MAGI2: variants seen among roughly 807,000 people sequenced by gnomAD.
The protein encoded by MAGI2 is membrane-associated guanylate kinase, WW and PDZ domain-containing protein 2.
A neutral mutation model predicts 133.3 loss-of-function variants in MAGI2; 35 were observed. That is an observed-to-expected ratio of 0.26 (90% CI 0.20 to 0.35). The LOEUF (loss-of-function observed/expected upper bound fraction) is 0.35, where lower values mean the gene tolerates loss of function less well. Ranked by LOEUF, MAGI2 falls within the 10% of genes least tolerant of loss-of-function variation. MAGI2 has a pLI of 1.00. For synonymous variants in MAGI2, 729 were observed against 710.6 expected (o/e 1.03, Z -0.41); for missense variants, 1,636 against 1,863.4 (o/e 0.88, Z 2.25).
chr7:78,296,737 C>A (rs975953024), intron 9 of MAGI2, among the ~76,000 whole-genome samples: 1 of 152,178 alleles, frequency 6.6e-6, no homozygotes, highest in Non-Finnish European at 1.5e-5. Flanking sequence ...CTTGCTTAAG[C>A]ATCAGAGGGA....
At chr7:79,033,984 A>G (rs1045913069) in intron 1 of MAGI2, among the ~76,000 whole-genome samples, 4 of 152,192 alleles carry the variant, frequency 2.6e-5, no homozygotes, top group African/African-American at 9.6e-5. Flanking sequence ...GTAATTAACT[A>G]TTAATTTTTA....
intron 2 of MAGI2, among the ~76,000 whole-genome samples, chr7:78,770,221 G>A (rs1417184654): frequency 1.3e-5 from 2 of 152,182 alleles, no homozygotes; most frequent in African/African-American, 4.8e-5. Context: ...CCCACTGGTT[G>A]TAAAAAAGGC....
rs142336256 is a variant in MAGI2 at position 78,433,961 on chromosome 7, T to A, written c.1045+55800A>T. On this transcript the variant is annotated intron_variant, in intron 6 of 21. Coordinates refer to ENST00000354212, the MANE Select transcript of MAGI2 (RefSeq NM_012301.4). Reference sequence around the variant, plus strand: ...AATGAAGCATTGTACCACAGTCTCGTCTAGCCAAATACTATGGTCAAGTGA... The same window carrying A: ...AATGAAGCATTGTACCACAGTCTCGACTAGCCAAATACTATGGTCAAGTGA... 2.8e-3 allele frequency among the ~76,000 whole-genome samples: 431 copies of A among 152,314 alleles called. 3 individuals are homozygous for A. The highest frequency in any genetic ancestry group is 9.8e-3 in the African/African-American group (409 of 41,578).
chr7:78,215,468 C>T (rs181103287), intron 10 of MAGI2, among the ~76,000 whole-genome samples: 118 of 152,216 alleles, frequency 7.8e-4, no homozygotes, highest in Middle Eastern at 3.4e-3. Context: ...ATCAACACCA[C>T]CTGTTGTAGA....
At chr7:78,367,495 C>A (rs1185041668) in intron 7 of MAGI2, among the ~76,000 whole-genome samples, 2 of 152,162 alleles carry the variant, frequency 1.3e-5, no homozygotes, top group African/African-American at 4.8e-5. Flanking sequence ...TGGAACGTAG[C>A]TGATGTTGCT....
chr7:78,742,765 A>G (rs1822554246), intron 2 of MAGI2, among the ~76,000 whole-genome samples: 1 of 152,196 alleles, frequency 6.6e-6, no homozygotes, highest in South Asian at 2.1e-4. Context: ...TGACCAATAG[A>G]TAGTGACTCA....
At chr7:78,256,744 A>C (rs1235054883) in intron 9 of MAGI2, among the ~76,000 whole-genome samples, 163 bp from the exon 10 acceptor site, 2 of 152,228 alleles carry the variant, frequency 1.3e-5, no homozygotes, top group Non-Finnish European at 2.9e-5. Context: ...TCAAGGTTAC[A>C]ACAGGACTGC....
chr7:79,441,560 C>T (rs754604581), intron 1 of MAGI2, among the ~76,000 whole-genome samples: 1 of 151,804 alleles, frequency 6.6e-6, no homozygotes, highest in Non-Finnish European at 1.5e-5. Flanking sequence ...GTATTTTGCA[C>T]ATTCCTTTTT....
At chr7:79,368,624 G>A (rs1425197321) in intron 1 of MAGI2, among the ~76,000 whole-genome samples, 3 of 151,674 alleles carry the variant, frequency 2.0e-5, no homozygotes, top group Non-Finnish European at 4.4e-5. Flanking sequence ...CGAGGCGGGC[G>A]GATCACGAGG....
chr7:79,444,434 C>G (rs1848706767), intron 1 of MAGI2, among the ~76,000 whole-genome samples: 3 of 152,178 alleles, frequency 2.0e-5, no homozygotes, highest in Admixed American at 2.0e-4. Flanking sequence ...AGCCCAAAAT[C>G]TCCTTAAGCT....
chr7:78,759,627 A>G (rs888818275), intron 2 of MAGI2, among the ~76,000 whole-genome samples: 4 of 152,208 alleles, frequency 2.6e-5, no homozygotes, highest in African/African-American at 9.6e-5. Flanking sequence ...TAGTTGTATT[A>G]AAGAATGATG....
intron 16 of MAGI2, among the ~76,000 whole-genome samples, chr7:78,153,935 T>C (rs1584169999): frequency 6.6e-6 from 1 of 152,352 alleles, no homozygotes; most frequent in East Asian, 1.9e-4. Context: ...TCTTTTCATT[T>C]AGCTTGAATC....
intron 4 of MAGI2, among the ~76,000 whole-genome samples, chr7:78,502,475 C>G (rs1410862864): frequency 6.6e-6 from 1 of 152,078 alleles, no homozygotes; most frequent in Non-Finnish European, 1.5e-5. Context: ...TTTCAGTTAC[C>G]CATGGTCAAC....
intron 2 of MAGI2, among the ~76,000 whole-genome samples, chr7:78,760,958 C>T (rs2151299076): frequency 6.6e-6 from 1 of 152,320 alleles, no homozygotes; most frequent in South Asian, 2.1e-4. Context: ...TTGTTGAATG[C>T]CTACAATGTG....
At chr7:78,956,747 G>A (rs112612822) in intron 2 of MAGI2, among the ~76,000 whole-genome samples, 2 of 152,084 alleles carry the variant, frequency 1.3e-5, no homozygotes, top group Admixed American at 6.6e-5. Flanking sequence ...GATAGTGCCC[G>A]TTTTTTATGT....
intron 2 of MAGI2, among the ~76,000 whole-genome samples, chr7:78,819,241 T>A (rs1261080352): frequency 2.0e-5 from 3 of 152,122 alleles, no homozygotes; most frequent in African/African-American, 7.2e-5. Flanking sequence ...TCATAAGGAC[T>A]CATGGGAGAG....
intron 1 of MAGI2, among the ~76,000 whole-genome samples, chr7:79,164,554 G>C (rs918390499): frequency 6.6e-6 from 1 of 151,874 alleles, no homozygotes; most frequent in African/African-American, 2.4e-5. Context: ...TGTCTCTAAG[G>C]GCAGCCACTA....
At chr7:78,747,414 G>GTGCTCTGGAGCACAATA (rs1479003199) in intron 2 of MAGI2, among the ~76,000 whole-genome samples, 1 of 151,914 alleles carries the variant, frequency 6.6e-6, no homozygotes, top group South Asian at 2.1e-4. Context: ...AATATTTATT[G>GTGCTCTGGAGCACAATA]AATGTCATTG....
At chr7:79,088,595 A>G (rs191130342) in intron 1 of MAGI2, among the ~76,000 whole-genome samples, 16 of 152,244 alleles carry the variant, frequency 1.1e-4, no homozygotes, top group African/African-American at 3.9e-4. Flanking sequence ...GCTGGTTTTC[A>G]AAGAGAATAC....
Sources: allele counts gnomAD v4.1 joint callset (sites outside exome capture counted in the v4.1 genomes callset), GRCh38; gene constraint gnomAD v4.1.1; transcripts MANE v1.5; gene names NCBI Gene and HGNC (gene_info 2026-07-23, HGNC 2026-07-21).